Variants in TMEM218 observed in about 807,000 individuals in gnomAD.
TMEM218 encodes the protein transmembrane protein 218.
A neutral mutation model predicts 10.0 loss-of-function variants in TMEM218; 8 were observed. The observed-to-expected ratio is 0.80, with a 90% CI of 0.47 to 1.44. The LOEUF is 1.44. Ranked by LOEUF, TMEM218 falls within the 40% of genes most tolerant of loss-of-function variation. The pLI is 0.00. For missense variants in TMEM218, 110 were observed against 140.1 expected (o/e 0.79, Z 1.08); for synonymous variants, 66 against 63.5 (o/e 1.04, Z -0.18).
intron 1 of TMEM218, among the ~76,000 whole-genome samples, 168 bp downstream of exon 1, chr11:125,111,370 TC>T (rs746420941): frequency 2.6e-5 from 4 of 152,112 alleles, no homozygotes; most frequent in Non-Finnish European, 5.9e-5. Context: ...AAACAGTCCT[TC>T]CTTCTCTGCC....
At chr11:125,109,697 CAAGGG>C (rs1953246404) in intron 1 of TMEM218, among the ~76,000 whole-genome samples, 1 of 152,160 alleles carries the variant, frequency 6.6e-6, no homozygotes, top group Admixed American at 6.5e-5. Context: ...TTAGCTGTGT[CAAGGG>C]AGAAGGTGTT....
Position 125,094,930 on chromosome 11 carries a change from A to T in TMEM218, c.*2676T>A, listed in dbSNP as rs73615724. ...ACACAATATATGCTGAATGAATGGC[A>T]GGATTCGAGAATGAATGGCTATGTA... On this transcript the variant is annotated 3_prime_UTR_variant, in exon 5 of 5. Coordinates refer to ENST00000682305, the MANE Select transcript of TMEM218 (RefSeq NM_001258244.2). Among the ~76,000 whole-genome samples, 3,264 of 152,306 alleles carry T rather than the reference A, an allele frequency of 0.021. 107 individuals are homozygous for T. The highest frequency in any genetic ancestry group is 0.07 in the African/African-American group (2,917 of 41,548).
At position 125,095,899 on chromosome 11, in the gene TMEM218, C is replaced by A. The variant is rs1949586007; in HGVS notation, c.*1707G>T. ...CCAGAGTTACTTTTTTAGCAAGGCT[C>A]TCAGAAGAAGGTAACAATTGGCAGC... On this transcript the variant is annotated 3_prime_UTR_variant, in exon 5 of 5. Coordinates refer to ENST00000682305, the MANE Select transcript of TMEM218 (RefSeq NM_001258244.2). Among the ~76,000 whole-genome samples, 1 of 152,130 alleles carries A rather than the reference C, an allele frequency of 6.6e-6. No individual in the cohort carries two copies. The highest frequency in any genetic ancestry group is 1.5e-5 in the Non-Finnish European group (1 of 68,032).
rs937676557 is a variant in TMEM218 at position 125,095,865 on chromosome 11, A to G, written c.*1741T>C. On this transcript the variant is annotated 3_prime_UTR_variant, in exon 5 of 5. Transcript: ENST00000682305. ...ATGGATTCATGGTCAGGAACCTATA[A>G]GAGTTTTCCCAGAGTTACTTTTTTA... Among the ~76,000 whole-genome samples, 2 of 152,186 alleles carry G rather than the reference A, an allele frequency of 1.3e-5. No individual in the cohort carries two copies. The highest frequency in any genetic ancestry group is 4.8e-5 in the African/African-American group (2 of 41,444).
chr11:125,094,552 TC>T lies in TMEM218; in HGVS notation c.*3053del, dbSNP rs1949387736. The stretch of plus-strand genomic sequence containing the variant: ...TATTTGAGAAATGAGATGTCAGGAA[TC>T]CTGATGTCAAGTTGGAGCCCCACTT... On this transcript the variant is annotated 3_prime_UTR_variant, in exon 5 of 5. Coordinates refer to ENST00000682305, the MANE Select transcript of TMEM218 (RefSeq NM_001258244.2). Among the ~76,000 whole-genome samples the T allele has an allele frequency of 6.6e-6, 1 of 152,206 alleles. No individual in the cohort carries two copies. Among genetic ancestry groups the T allele is most frequent in the South Asian group, 2.1e-4 (1 of 4,832 alleles).
intron 3 of TMEM218, 46 bp from the exon 4 acceptor site, chr11:125,101,349 T>G: frequency 6.3e-7 from 1 of 1,579,192 alleles, no homozygotes; most frequent in Non-Finnish European, 8.6e-7. Flanking sequence ...CTATAATTTC[T>G]TCTTTGATCA....
At chr11:125,109,702 GAGA>G (rs1214891299) in intron 1 of TMEM218, among the ~76,000 whole-genome samples, 2 of 152,212 alleles carry the variant, frequency 1.3e-5, no homozygotes, top group African/African-American at 2.4e-5. Flanking sequence ...TGTGTCAAGG[GAGA>G]AGGTGTTAGA....
At chr11:125,106,349 T>G (rs919269631) in intron 1 of TMEM218, among the ~76,000 whole-genome samples, 2 of 151,294 alleles carry the variant, frequency 1.3e-5, no homozygotes, top group African/African-American at 4.9e-5. Flanking sequence ...TTAAGAACAG[T>G]GACAAAAGGA....
In TMEM218 at chr11:125,095,875, C is replaced by T. The variant is rs1252893593; in HGVS notation, c.*1731G>A. 6.6e-6 allele frequency among the ~76,000 whole-genome samples: 1 copy of T among 152,062 alleles called. No individual in the cohort carries two copies. The highest frequency in any genetic ancestry group is 2.4e-5 in the African/African-American group (1 of 41,394). On this transcript the variant is annotated 3_prime_UTR_variant, in exon 5 of 5. Transcript: ENST00000682305. ...GGTCAGGAACCTATAAGAGTTTTCC[C>T]AGAGTTACTTTTTTAGCAAGGCTCT...
At chr11:125,106,217 T>C (rs1457364269) in intron 1 of TMEM218, among the ~76,000 whole-genome samples, 2 of 152,102 alleles carry the variant, frequency 1.3e-5, no homozygotes, top group Non-Finnish European at 2.9e-5. Context: ...TTCTGTTTTT[T>C]TGTTTTTGTT....
At chr11:125,102,532 T>C in intron 2 of TMEM218, 2 of 1,420,034 alleles carry the variant, frequency 1.4e-6, no homozygotes, top group Non-Finnish European at 1.9e-6. Flanking sequence ...CGCTCAGAAG[T>C]TTTTTCTGAG....
intron 4 of TMEM218, among the ~76,000 whole-genome samples, chr11:125,098,498 A>G (rs939380405): frequency 1.1e-4 from 16 of 152,150 alleles, no homozygotes; most frequent in Non-Finnish European, 1.6e-4. Context: ...TGGGCAGGAA[A>G]AAGCAATTTA....
chr11:125,109,939 C>T (rs1179168392), intron 1 of TMEM218, among the ~76,000 whole-genome samples: 3 of 152,202 alleles, frequency 2.0e-5, no homozygotes, highest in African/African-American at 7.2e-5. Context: ...GTTCGTGAGA[C>T]ATTGGATTTA....
At chr11:125,098,219 A>G (rs11219900) in intron 4 of TMEM218, among the ~76,000 whole-genome samples, 21,156 of 152,260 alleles carry the variant, frequency 0.14, 1,946 homozygotes, top group Non-Finnish European at 0.2. Context: ...TTCATTTTCA[A>G]AATGAAAGGT....
rs373267297 is a variant in TMEM218 at position 125,102,200 on chromosome 11, G to A, written c.42C>T (p.Ile14=). Residue 14 remains isoleucine (I), a synonymous_variant, in exon 3 of 5, where the codon ATC becomes ATT. Transcript: ENST00000682305. ...GCACTGCCACCCAGAGCAGGGCTAA[G>A]ATGAACACGCCCGCACCGACTCCGA... ...TVLGVGAGVF[I]LALLWVAVLL... is the part of the protein sequence containing the mutation. 3 of 1,612,832 alleles carry A rather than the reference G, an allele frequency of 1.9e-6. No homozygotes were observed. Among genetic ancestry groups the A allele is most frequent in the Non-Finnish European group, 2.5e-6 (3 of 1,179,600 alleles).
chr11:125,098,291 C>A (rs534314445), intron 4 of TMEM218, among the ~76,000 whole-genome samples: 6 of 152,256 alleles, frequency 3.9e-5, no homozygotes, highest in Non-Finnish European at 7.3e-5. Context: ...TGACCATTTA[C>A]CTGAGATACT....
chr11:125,099,935 AAAAAAAAGAT>A (rs1283361797), intron 4 of TMEM218, among the ~76,000 whole-genome samples: 44 of 151,734 alleles, frequency 2.9e-4, no homozygotes, highest in Non-Finnish European at 5.3e-4. Context: ...AAAAAAAAAA[AAAAAAAAGAT>A]AAGTGAGGTG....
At chr11:125,103,573 G>C (rs1016145435) in intron 1 of TMEM218, 1 of 152,128 alleles carries the variant, frequency 6.6e-6, no homozygotes, top group Non-Finnish European at 1.5e-5. Flanking sequence ...AACGGTACTT[G>C]TCATTGGATT....
In TMEM218 at chr11:125,095,343, T is replaced by C. The variant is rs555443898; in HGVS notation, c.*2263A>G. Among the ~76,000 whole-genome samples the C allele has an allele frequency of 1.1e-3, 165 of 152,258 alleles. No homozygotes were observed. Among genetic ancestry groups the C allele is most frequent in the Non-Finnish European group, 1.8e-3 (120 of 68,008 alleles). On this transcript the variant is annotated 3_prime_UTR_variant, in exon 5 of 5. Transcript: ENST00000682305. ...CACTAAGATGACTTCTGTCTGTATT[T>C]AAGGAATGACCTCTGAGCCCTGTCT...
Sources: allele counts gnomAD v4.1 joint callset (sites outside exome capture counted in the v4.1 genomes callset), GRCh38; gene constraint gnomAD v4.1.1; transcripts MANE v1.5; gene names NCBI Gene and HGNC (gene_info 2026-07-23, HGNC 2026-07-21).